The following ECSCR variants were observed in gnomAD, a reference collection of about 807,000 sequenced individuals.
The protein encoded by ECSCR is endothelial cell-specific chemotaxis regulator.
Under a neutral mutation model 16.7 loss-of-function variants are expected in ECSCR, and 12 were observed. The observed-to-expected ratio is 0.72, with a 90% CI of 0.46 to 1.17. The LOEUF (loss-of-function observed/expected upper bound fraction) is 1.17, where lower values mean the gene tolerates loss of function less well. Ranked by LOEUF, ECSCR falls within the 50% of genes most tolerant of loss-of-function variation. The probability of loss-of-function intolerance (pLI) is 0.00; values close to 1 mark genes in which losing one functional copy is unlikely to be tolerated. For synonymous variants in ECSCR, 44 were observed against 42.2 expected (o/e 1.04, Z -0.17); for missense variants, 122 against 116.1 (o/e 1.05, Z -0.23).
rs1304312660 is a variant in ECSCR at position 139,462,729 on chromosome 5, G to A, written c.-59C>T. 43 of 709,612 alleles carry A rather than the reference G, an allele frequency of 6.1e-5. No homozygotes were observed. The highest frequency in any genetic ancestry group is 9.3e-5 in the Non-Finnish European group (42 of 453,804). 44.0% of individuals were successfully genotyped at this position (709,612 alleles called of 1,614,324 possible). ...CAGTGGAGGCTCTGTCCATAGTGGA[G>A]AAGAGAGAGGGAGTGCTGGGGCGGG... On this transcript the variant is annotated 5_prime_UTR_variant, in exon 1 of 10. Transcript: ENST00000618155.
chr5:139,456,301 C>G (rs1326542247), intron 5 of ECSCR, among the ~76,000 whole-genome samples, 173 bp downstream of exon 5: 1 of 152,168 alleles, frequency 6.6e-6, no homozygotes, highest in Non-Finnish European at 1.5e-5. Flanking sequence ...GTCTTCCCTT[C>G]TCAACCCATT....
chr5:139,457,524 G>A, intron 4 of ECSCR, 21 bp downstream of exon 4: 1 of 782,258 alleles, frequency 1.3e-6, no homozygotes, highest in East Asian at 2.4e-5. Context: ...GATGGCATTT[G>A]TAGTCTGAAT....
chr5:139,460,646 C>A (rs933152356), intron 1 of ECSCR, among the ~76,000 whole-genome samples: 1 of 152,132 alleles, frequency 6.6e-6, no homozygotes, highest in Non-Finnish European at 1.5e-5. Context: ...ACAAAGATTT[C>A]TCTGTGGGTA....
intron 4 of ECSCR, among the ~76,000 whole-genome samples, 173 bp downstream of exon 4, chr5:139,457,370 CTT>C (rs1751180360): frequency 6.6e-6 from 1 of 152,146 alleles, no homozygotes; most frequent in Non-Finnish European, 1.5e-5. Flanking sequence ...GGCTCCCACA[CTT>C]CTGCTGGTGC....
In ECSCR at chr5:139,457,806, T is replaced by A; in HGVS notation, c.108A>T (p.Gly36=). ...PTMTQTSSSQ[G]GLGGLSLTTE... is the part of the protein sequence containing the mutation. ...TGGTCAGACTTAGACCGCCAAGGCC[T>A]CCTGAAACAGAACATCTGAGGCTGA... The change falls in exon 3 of 10, where the codon GGA becomes GGT. Residue 36 remains glycine, a splice_region_variant and synonymous_variant. Coordinates refer to ENST00000618155, the MANE Select transcript of ECSCR (RefSeq NM_001077693.4). The A allele has an allele frequency of 6.2e-7, 1 of 1,607,570 alleles. No individual in the cohort carries two copies. The highest frequency in any genetic ancestry group is 1.3e-5 in the African/African-American group (1 of 74,900).
chr5:139,454,005 G>GT (rs1751101247), intron 8 of ECSCR, among the ~76,000 whole-genome samples: 1 of 147,462 alleles, frequency 6.8e-6, no homozygotes, highest in African/African-American at 2.5e-5. Flanking sequence ...GGTGTGTTGG[G>GT]GTGTGTGTAT....
chr5:139,456,095 A>G (rs891219898), intron 5 of ECSCR, among the ~76,000 whole-genome samples: 26 of 152,020 alleles, frequency 1.7e-4, no homozygotes, highest in African/African-American at 6.0e-4. Context: ...GCACTCCAGC[A>G]TAGGCAACAG....
intron 1 of ECSCR, among the ~76,000 whole-genome samples, chr5:139,461,196 C>T (rs766631046): frequency 6.6e-6 from 1 of 152,130 alleles, no homozygotes; most frequent in Non-Finnish European, 1.5e-5. Flanking sequence ...GGTATCAGTA[C>T]CTCGCAAGTT....
chr5:139,449,995 A>G (rs1751004120), intron 8 of ECSCR, among the ~76,000 whole-genome samples: 2 of 152,078 alleles, frequency 1.3e-5, no homozygotes, highest in African/African-American at 4.8e-5. Context: ...TCTGGGTTCA[A>G]GCAATTCTCC....
intron 8 of ECSCR, among the ~76,000 whole-genome samples, chr5:139,454,064 G>C (rs982691147): frequency 6.9e-6 from 1 of 144,318 alleles, no homozygotes; most frequent in Non-Finnish European, 1.5e-5. Flanking sequence ...GTGTGTAGTG[G>C]GGTGTGTGGT....
intron 6 of ECSCR, 102 bp from the exon 7 acceptor site, chr5:139,455,025 C>T (rs1401385282): frequency 5.0e-6 from 2 of 397,870 alleles, no homozygotes; most frequent in East Asian, 7.1e-5. Context: ...TGTAGACAGG[C>T]TCCAGGAGCA....
rs376360303 is a variant in ECSCR, at chr5:139,461,763, C to G, written c.61+847G>C. On this transcript the variant is annotated intron_variant, in intron 1 of 9. Coordinates refer to ENST00000618155, the MANE Select transcript of ECSCR (RefSeq NM_001077693.4). ...CTCAGGCCCTCTTACCCACCACCGA[C>G]GAGGGGCCACCACCCCTCCCCATCT... 6.9e-3 allele frequency among the ~76,000 whole-genome samples: 1,056 copies of G among 152,266 alleles called. 16 individuals are homozygous for G. Among genetic ancestry groups the G allele is most frequent in the African/African-American group, 0.02 (828 of 41,532 alleles).
chr5:139,456,564 G>C, intron 4 of ECSCR, 46 bp from the exon 5 acceptor site: 1 of 398,612 alleles, frequency 2.5e-6, no homozygotes, highest in Non-Finnish European at 4.4e-6. Flanking sequence ...TCCCCCAGCA[G>C]CTCTTCTCCC....
At chr5:139,452,154 T>TGGGGTGTGTGTGTAGTATATGG (rs1751067384) in intron 8 of ECSCR, among the ~76,000 whole-genome samples, 1 of 136,072 alleles carries the variant, frequency 7.3e-6, no homozygotes, top group South Asian at 2.4e-4. Flanking sequence ...TGGATGTGCG[T>TGGGGTGTGTGTGTAGTATATGG]GGGGTGTGTG....
chr5:139,457,934 CTCT>C (rs1354370776), intron 2 of ECSCR, 127 bp from the exon 3 acceptor site: 1 of 1,231,804 alleles, frequency 8.1e-7, no homozygotes, highest in Non-Finnish European at 1.2e-6. Context: ...AACCATTCAC[CTCT>C]TTTTTCTTTC....
rs1279961724 is a variant in ECSCR at position 139,462,643 on chromosome 5, A to G, written c.28T>C (p.Cys10Arg). 11 of 1,594,590 alleles carry G rather than the reference A, an allele frequency of 6.9e-6. No homozygotes were observed. Among genetic ancestry groups the G allele is most frequent in the Non-Finnish European group, 8.5e-6 (10 of 1,171,004 alleles). Residue 10 changes from cysteine to arginine, a missense_variant, in exon 1 of 10, where the codon TGC (cysteine) becomes CGC (arginine). Cys to Arg is a radical substitution (Grantham distance 180). Coordinates refer to ENST00000618155, the MANE Select transcript of ECSCR (RefSeq NM_001077693.4). Reference protein sequence around the residue: MGTAGAMQLCWVILGFLLFR... With the variant: MGTAGAMQLRWVILGFLLFR... ...AGGAGGAAGCCCAGGATCACCCAGC[A>G]CAGCTGCATGGCTCCTGCGGTGCCC...
intron 8 of ECSCR, among the ~76,000 whole-genome samples, chr5:139,452,199 GTGGGA>G (rs1751069249): frequency 6.8e-6 from 1 of 148,100 alleles, no homozygotes; most frequent in Admixed American, 6.7e-5. Context: ...AGTGTGGGGT[GTGGGA>G]TGTGTGGTGT....
chr5:139,448,823 A>C lies in ECSCR; in HGVS notation c.*77T>G. ...AATTTACATGTGGTTCATTGCCTCT[A>C]CTAATTCCATCTCTTCCTCCTTGTA... On this transcript the variant is annotated 3_prime_UTR_variant, in exon 10 of 10. Coordinates refer to ENST00000618155, the MANE Select transcript of ECSCR (RefSeq NM_001077693.4). 1 of 1,530,544 alleles carries C rather than the reference A, an allele frequency of 6.5e-7. No homozygotes were observed. The highest frequency in any genetic ancestry group is 8.7e-7 in the Non-Finnish European group (1 of 1,144,904). 94.8% of individuals were successfully genotyped at this position (1,530,544 alleles called of 1,614,324 possible).
intron 8 of ECSCR, 22 bp downstream of exon 8, chr5:139,454,577 TAGA>T (rs1295308836): frequency 2.5e-6 from 1 of 397,988 alleles, no homozygotes; most frequent in African/African-American, 2.1e-5. Context: ...GGGTGTCAGA[TAGA>T]AGATTTTTCT....
Sources: gnomAD v4.1 joint callset for allele counts (sites outside exome capture counted in the v4.1 genomes callset) on GRCh38, gnomAD v4.1.1 for gene constraint, MANE v1.5 for transcripts, NCBI Gene and HGNC (gene_info 2026-07-23, HGNC 2026-07-21) for gene names.